The following ZUP1 variants were observed in gnomAD, a reference collection of about 807,000 sequenced individuals.
The protein encoded by ZUP1 is zinc finger containing ubiquitin peptidase 1, also known as zinc finger-containing ubiquitin peptidase 1.
In ZUP1, 55 loss-of-function variants were observed where a neutral mutation model predicts 68.1. The observed-to-expected ratio is 0.81, with a 90% CI of 0.65 to 1.01. The LOEUF (loss-of-function observed/expected upper bound fraction) is 1.01. Among genes scored for constraint, ZUP1 ranks in the 50% least tolerant of loss-of-function variants. The pLI, the probability that ZUP1 is intolerant of heterozygous loss-of-function variation, is 0.00. For synonymous variants in ZUP1, 223 were observed against 221.5 expected, an observed-to-expected ratio of 1.01 and a Z score of -0.06; for missense variants, 684 against 674.9, an observed-to-expected ratio of 1.01 and a Z score of -0.15.
At chr6:116,645,957 T>C in intron 8 of ZUP1, 23 bp from the exon 9 acceptor site, 3 of 1,526,526 alleles carry the variant, frequency 2.0e-6, no homozygotes, top group Non-Finnish European at 2.7e-6. Flanking sequence ...TTTTAAGTTA[T>C]ACATACGTCA....
At chr6:116,643,769 T>C (rs1776197604) in intron 9 of ZUP1, among the ~76,000 whole-genome samples, 2 of 152,188 alleles carry the variant, frequency 1.3e-5, no homozygotes, top group South Asian at 2.1e-4. Context: ...ATTCAGCACA[T>C]AGGCATGGGC....
At chr6:116,659,150 ACG>A in intron 3 of ZUP1, among the ~76,000 whole-genome samples, 1 of 152,234 alleles carries the variant, frequency 6.6e-6, no homozygotes, top group East Asian at 1.9e-4. Context: ...GTTTTTTGAG[ACG>A]GAGTTTCGCT....
At chr6:116,666,399 T>C (rs1179400358) in intron 2 of ZUP1, among the ~76,000 whole-genome samples, 1 of 152,216 alleles carries the variant, frequency 6.6e-6, no homozygotes, top group Non-Finnish European at 1.5e-5. Context: ...CTCTGGAAAC[T>C]AGACAGAAAG....
chr6:116,650,354 G>A (rs1776447382), intron 7 of ZUP1, among the ~76,000 whole-genome samples: 2 of 147,426 alleles, frequency 1.4e-5, no homozygotes, highest in East Asian at 2.0e-4. Context: ...CCCAGGAGGC[G>A]GAGCTTGCAG....
Position 116,667,024 on chromosome 6 carries a change from T to C in ZUP1, c.169A>G (p.Thr57Ala), listed in dbSNP as rs568540343. ...HIETAHFEQN[T>A]LERNFERINT... is the part of the protein sequence containing the mutation. ...ATCCTCTCAAAGTTTCTTTCAAGTG[T>C]ATTCTGCTCAAAATGAGCTGTTTCG... The change falls in exon 2 of 10, where the codon ACA becomes GCA. Residue 57 changes from threonine to alanine, a missense_variant. By Grantham distance (58) the Thr-to-Ala change is moderately conservative. Transcript: ENST00000368576. 6.2e-6 allele frequency: 10 copies of C among 1,613,786 alleles called. No individual in the cohort carries two copies. The highest frequency in any genetic ancestry group is 3.3e-5 in the Admixed American group (2 of 59,980).
At chr6:116,659,072 C>G in intron 3 of ZUP1, 148 bp from the exon 4 acceptor site, 2 of 661,970 alleles carry the variant, frequency 3.0e-6, no homozygotes, top group East Asian at 7.2e-5. Context: ...ACAAATTTAG[C>G]AAAACTTAGA....
At chr6:116,646,621 C>T (rs1054479542) in intron 8 of ZUP1, among the ~76,000 whole-genome samples, 7 of 152,186 alleles carry the variant, frequency 4.6e-5, no homozygotes, top group African/African-American at 1.7e-4. Flanking sequence ...GCCGCCCAGG[C>T]TGGAGTGCAG....
At chr6:116,650,422 C>CAAAAAAAAAAAAAAAAAAAAAAAAAA (rs61692064) in intron 7 of ZUP1, among the ~76,000 whole-genome samples, 1 of 46,552 alleles carries the variant, frequency 2.1e-5, no homozygotes. Context: ...AACTCCGTCT[C>CAAAAAAAAAAAAAAAAAAAAAAAAAA]AAAAAAAAAA....
chr6:116,642,667 G>A (rs908471541), intron 9 of ZUP1, among the ~76,000 whole-genome samples: 1 of 152,114 alleles, frequency 6.6e-6, no homozygotes, highest in African/African-American at 2.4e-5. Context: ...CAATAAATTA[G>A]GTATTCATGG....
intron 3 of ZUP1, among the ~76,000 whole-genome samples, chr6:116,659,361 C>T (rs1243775822): frequency 6.6e-6 from 1 of 152,158 alleles, no homozygotes; most frequent in Non-Finnish European, 1.5e-5. Flanking sequence ...AACTCCTAAC[C>T]TCAGGTGATC....
chr6:116,664,740 A>C (rs1425047583), intron 2 of ZUP1, among the ~76,000 whole-genome samples: 2 of 152,130 alleles, frequency 1.3e-5, no homozygotes, highest in Non-Finnish European at 2.9e-5. Context: ...AAGAGACCAG[A>C]AACTGGCCCA....
chr6:116,657,500 C>T (rs576836039), intron 4 of ZUP1, among the ~76,000 whole-genome samples: 1 of 152,002 alleles, frequency 6.6e-6, no homozygotes, highest in Non-Finnish European at 1.5e-5. Flanking sequence ...TAAGAAAAGC[C>T]AATTTTCTTT....
intron 2 of ZUP1, among the ~76,000 whole-genome samples, chr6:116,663,643 T>C (rs1377278965): frequency 1.3e-5 from 2 of 152,172 alleles, no homozygotes; most frequent in African/African-American, 2.4e-5. Flanking sequence ...TGTAGAATTA[T>C]TAAAATTCGT....
At chr6:116,665,488 G>T (rs911176616) in intron 2 of ZUP1, among the ~76,000 whole-genome samples, 1 of 147,032 alleles carries the variant, frequency 6.8e-6, no homozygotes, top group South Asian at 2.2e-4. Context: ...AGAATAAAAA[G>T]ACAAGCCACA....
At chr6:116,646,440 T>A (rs1393432983) in intron 8 of ZUP1, among the ~76,000 whole-genome samples, 3 of 152,198 alleles carry the variant, frequency 2.0e-5, no homozygotes, top group African/African-American at 7.2e-5. Context: ...CGGGTACTAC[T>A]CCAAGCACGA....
chr6:116,645,599 A>G (rs966783720), intron 9 of ZUP1, 115 bp downstream of exon 9: 8 of 818,616 alleles, frequency 9.8e-6, no homozygotes, highest in Admixed American at 3.3e-5. Flanking sequence ...AAAAAAAAAA[A>G]AAGAAAAAGA....
intron 5 of ZUP1, among the ~76,000 whole-genome samples, chr6:116,656,257 T>A (rs144078818): frequency 6.6e-6 from 1 of 152,104 alleles, no homozygotes; most frequent in Non-Finnish European, 1.5e-5. Flanking sequence ...TTTTGTAATT[T>A]TTTTTTAGTA....
chr6:116,642,912 T>C (rs936799272), intron 9 of ZUP1, among the ~76,000 whole-genome samples: 4 of 152,190 alleles, frequency 2.6e-5, no homozygotes, highest in African/African-American at 9.7e-5. Flanking sequence ...TGTTTGCAGA[T>C]GACATGATTG....
chr6:116,647,115 A>G (rs932216495), intron 8 of ZUP1, among the ~76,000 whole-genome samples: 19 of 152,336 alleles, frequency 1.2e-4, no homozygotes, highest in Admixed American at 9.8e-4. Flanking sequence ...AGGAGCTCTG[A>G]AAAATTAAAC....
Sources: gnomAD v4.1 joint callset for allele counts (sites outside exome capture counted in the v4.1 genomes callset) on GRCh38, gnomAD v4.1.1 for gene constraint, MANE v1.5 for transcripts, NCBI Gene and HGNC (gene_info 2026-07-23, HGNC 2026-07-21) for gene names.